Variants in XCR1 observed in about 807,000 individuals in gnomAD.
The protein encoded by XCR1 is X-C motif chemokine receptor 1, also known as chemokine XC receptor 1.
For synonymous variants in XCR1, 187 were observed against 188.5 expected (o/e 0.99, Z 0.06); for missense variants, 356 against 424.2 (o/e 0.84, Z 1.41).
At chr3:46,081,716 A>G (rs569295623) in intron 1 of XCR1, among the ~76,000 whole-genome samples, 68 of 146,710 alleles carry the variant, frequency 4.6e-4, no homozygotes, top group African/African-American at 1.7e-3. Flanking sequence ...TAAAAATCTT[A>G]TTCTAGATTT....
chr3:46,034,526 C>T (rs981368347), intron 5 of XCR1, among the ~76,000 whole-genome samples: 6 of 151,934 alleles, frequency 3.9e-5, no homozygotes, highest in East Asian at 1.9e-4. Context: ...ACATCCTTGA[C>T]GTGCTCCTAT....
rs1160231424 is a variant in XCR1, at chr3:46,020,879, C to T, written c.*67G>A. The T allele has an allele frequency of 1.9e-5, 29 of 1,547,558 alleles. No individual in the cohort carries two copies. Among genetic ancestry groups the T allele is most frequent in the Non-Finnish European group, 2.5e-5 (29 of 1,149,906 alleles). On this transcript the variant is annotated 3_prime_UTR_variant, in exon 2 of 2. Transcript: ENST00000309285. ...TGTTCTGCAATGCTCCTTCCAGGCC[C>T]GCTTCTCCATGACCCCCATTCCAGT... is the stretch of plus-strand genomic sequence containing the variant.
intron 4 of XCR1, among the ~76,000 whole-genome samples, chr3:46,056,156 G>T (rs1366359725): frequency 6.6e-6 from 1 of 152,140 alleles, no homozygotes; most frequent in Admixed American, 6.5e-5. Flanking sequence ...TGTGGTGTAG[G>T]TGCAGTGCTT....
intron 5 of XCR1, among the ~76,000 whole-genome samples, chr3:46,035,654 C>A (rs966908658): frequency 2.6e-5 from 4 of 152,226 alleles, no homozygotes; most frequent in African/African-American, 7.2e-5. Flanking sequence ...CTATGAAGAA[C>A]TGTCTTTGAA....
chr3:46,060,414 C>T (rs1697938494), intron 4 of XCR1, among the ~76,000 whole-genome samples: 1 of 152,188 alleles, frequency 6.6e-6, no homozygotes, highest in Non-Finnish European at 1.5e-5. Flanking sequence ...TATACTTTGT[C>T]TTCTTCTATT....
Position 46,047,644 on chromosome 3 carries a change from G to A in XCR1, c.-32+6276C>T, listed in dbSNP as rs374510981. Among the ~76,000 whole-genome samples, 4 of 152,160 alleles carry A rather than the reference G, an allele frequency of 2.6e-5. No individual in the cohort carries two copies. In the South Asian group the frequency reaches 8.3e-4, roughly 32 times the overall value. ...AGTGCTGCATTCCATATTGTCTCTT[G>A]AATTGGTCCTTTCCTTCCTAGATAA... On this transcript the variant is annotated intron_variant, in intron 5 of 5. Coordinates refer to the XCR1 transcript ENST00000683768.
At chr3:46,080,191 A>AG (rs1006261274) in intron 1 of XCR1, among the ~76,000 whole-genome samples, 6 of 151,924 alleles carry the variant, frequency 3.9e-5, no homozygotes, top group Admixed American at 3.9e-4. Context: ...TCTCAAAAAA[A>AG]AAAAAAGAAA....
upstream of XCR1, among the ~76,000 whole-genome samples, chr3:46,031,597 G>A (rs1708396399): frequency 6.6e-6 from 1 of 152,198 alleles, no homozygotes; most frequent in Non-Finnish European, 1.5e-5. Context: ...GTGGTGGGTG[G>A]TGAACAAGCT....
chr3:46,071,593 T>C (rs1236646765), intron 3 of XCR1, among the ~76,000 whole-genome samples: 1 of 152,002 alleles, frequency 6.6e-6, no homozygotes, highest in Non-Finnish European at 1.5e-5. Context: ...CAAGAGCATA[T>C]CCAAAAGATA....
chr3:46,059,879 T>C (rs4490404), intron 4 of XCR1, among the ~76,000 whole-genome samples: 125,344 of 152,222 alleles, frequency 0.82, 52,221 homozygotes, highest in East Asian at 0.99. Context: ...ATACTTTCTA[T>C]TAACATGATA....
At chr3:46,085,484 T>C (rs1243957335) in intron 1 of XCR1, among the ~76,000 whole-genome samples, 2 of 152,194 alleles carry the variant, frequency 1.3e-5, no homozygotes, top group Non-Finnish European at 2.9e-5. Context: ...TTTTCTCCAT[T>C]TTAAACACTT....
intron 1 of XCR1, chr3:46,024,039 T>C (rs1708235352): frequency 7.9e-7 from 1 of 1,258,850 alleles, no homozygotes; most frequent in Non-Finnish European, 1.2e-6. Flanking sequence ...TTGCAGCAAA[T>C]GCCGGGAAAG....
chr3:46,042,471 T>C (rs1697553507), intron 5 of XCR1, among the ~76,000 whole-genome samples: 1 of 152,144 alleles, frequency 6.6e-6, no homozygotes, highest in African/African-American at 2.4e-5. Flanking sequence ...CAATTACTAA[T>C]ATCAGAAAGG....
intron 2 of XCR1, among the ~76,000 whole-genome samples, chr3:46,076,188 A>G (rs751251772): frequency 2.6e-5 from 4 of 152,198 alleles, no homozygotes; most frequent in Non-Finnish European, 5.9e-5. Flanking sequence ...TGGATTTTGT[A>G]TGCAAAACAA....
intron 1 of XCR1, among the ~76,000 whole-genome samples, chr3:46,079,807 A>G (rs1372849509): frequency 6.6e-6 from 1 of 152,228 alleles, no homozygotes; most frequent in African/African-American, 2.4e-5. Flanking sequence ...CAGACTTATA[A>G]GCCCAGATAT....
chr3:46,050,543 A>G, intron 5 of XCR1, among the ~76,000 whole-genome samples: 1 of 152,198 alleles, frequency 6.6e-6, no homozygotes, highest in Middle Eastern at 3.2e-3. Context: ...TTTGATCTGT[A>G]GGAGGGGCCA....
chr3:46,031,522 C>G (rs1708395290), upstream of XCR1, among the ~76,000 whole-genome samples: 1 of 152,212 alleles, frequency 6.6e-6, no homozygotes, highest in Non-Finnish European at 1.5e-5. Flanking sequence ...GAGGGGGGCG[C>G]TGAGGGCAGC....
chr3:46,045,463 T>C lies in XCR1; in HGVS notation c.-32+8457A>G, dbSNP rs116038710. ...CAGATATACAAGTCTGGTTGAAAAT[T>C]TGAAAATCAATTAATGTAATCCATC... On this transcript the variant is annotated intron_variant, in intron 5 of 5. Transcript: ENST00000683768. Among the ~76,000 whole-genome samples, 554 of 151,872 alleles carry C rather than the reference T, an allele frequency of 3.6e-3. 3 individuals are homozygous for C. The highest frequency in any genetic ancestry group is 0.012 in the African/African-American group (510 of 41,442).
rs1371993769 is a variant in XCR1, at chr3:46,019,586, C to G, written c.*1360G>C. On this transcript the variant is annotated 3_prime_UTR_variant, in exon 2 of 2. Transcript: ENST00000309285. Reference sequence around the variant, plus strand: ...GCCCAGGTGACAGCATGACAAATGCCTAGAGGTAGGGTACTGGGGAGATAT... The same window carrying G: ...GCCCAGGTGACAGCATGACAAATGCGTAGAGGTAGGGTACTGGGGAGATAT... The G allele has an allele frequency of 3.3e-5, 5 of 152,180 alleles. No individual in the cohort carries two copies. Among genetic ancestry groups the G allele is most frequent in the Admixed American group, 6.5e-5 (1 of 15,276 alleles). The allele number at this position is 152,180 out of a possible 1,614,324, so 9.4% of individuals were successfully genotyped here.
Sources: allele counts gnomAD v4.1 joint callset (sites outside exome capture counted in the v4.1 genomes callset), GRCh38; gene constraint gnomAD v4.1.1; transcripts MANE v1.5; gene names NCBI Gene and HGNC (gene_info 2026-07-23, HGNC 2026-07-21).